Variants in SAFB2 observed in about 807,000 individuals in gnomAD.
The protein encoded by SAFB2 is scaffold attachment factor B2.
In SAFB2, 32 loss-of-function variants were observed where a neutral mutation model predicts 100.6. That is an observed-to-expected ratio of 0.32 (90% CI 0.24 to 0.43). The LOEUF is 0.43. SAFB2 is among the 20% of genes least tolerant of loss of function. SAFB2 has a pLI of 1.00. For synonymous variants in SAFB2, 500 were observed against 439.4 expected, an observed-to-expected ratio of 1.14 and a Z score of -1.72; for missense variants, 1,185 against 1,163.4, an observed-to-expected ratio of 1.02 and a Z score of -0.27.
intron 15 of SAFB2, among the ~76,000 whole-genome samples, chr19:5,593,357 CTGAT>C (rs2052457004): frequency 6.6e-6 from 1 of 152,204 alleles, no homozygotes; most frequent in African/African-American, 2.4e-5. Flanking sequence ...TATCTTCTTC[CTGAT>C]TTTTACCAGA....
In SAFB2 at chr19:5,604,918, C is replaced by A; in HGVS notation, c.1315G>T (p.Val439Leu). ...KYGKVVGAKV[V>L]TNARSPGARC... ...GCCCCCGGGCTGCGGGCGTTCGTTA[C>A]CACTTTGGCCCCGACAACCTTCATG... Residue 439 changes from valine (V) to leucine (L), a missense_variant, in exon 10 of 21, where the codon GTA becomes TTA. Val to Leu is a conservative substitution (Grantham distance 32). This residue lies in a region of SAFB2 where 94 missense variants were observed against 135.1 expected (regional missense o/e 0.70). Transcript: ENST00000252542. 1.9e-6 allele frequency: 3 copies of A among 1,613,186 alleles called. No individual in the cohort carries two copies. The highest frequency in any genetic ancestry group is 2.5e-6 in the Non-Finnish European group (3 of 1,180,000).
At chr19:5,602,762 A>G (rs993835769) in intron 11 of SAFB2, among the ~76,000 whole-genome samples, 5 of 152,178 alleles carry the variant, frequency 3.3e-5, no homozygotes, top group African/African-American at 1.2e-4. Context: ...ATACAGAAAA[A>G]CAATTAATGA....
intron 11 of SAFB2, among the ~76,000 whole-genome samples, chr19:5,602,757 G>A (rs896883731): frequency 6.6e-6 from 1 of 152,102 alleles, no homozygotes; most frequent in African/African-American, 2.4e-5. Flanking sequence ...CACAAATACA[G>A]AAAAACAATT....
Position 5,614,652 on chromosome 19 carries a change from C to G in SAFB2, c.544-1125G>C, listed in dbSNP as rs2052983661. Among the ~76,000 whole-genome samples, 3 of 152,206 alleles carry G rather than the reference C, an allele frequency of 2.0e-5. No homozygotes were observed. The South Asian group carries it at 6.2e-4, about 31-fold the overall frequency. On this transcript the variant is annotated intron_variant, in intron 4 of 20. Transcript: ENST00000252542. ...TGAAAGCTGCAATGCCTTAAGGAAA[C>G]AAAACAACCTACTGGGCACGTGACA...
At chr19:5,605,372 T>C (rs1270907837) in intron 9 of SAFB2, among the ~76,000 whole-genome samples, 1 of 152,176 alleles carries the variant, frequency 6.6e-6, no homozygotes, top group Non-Finnish European at 1.5e-5. Flanking sequence ...CCCAAAGTGC[T>C]GGGATTACAG....
chr19:5,609,552 C>T (rs973203875), intron 9 of SAFB2, among the ~76,000 whole-genome samples: 1 of 152,194 alleles, frequency 6.6e-6, no homozygotes, highest in Admixed American at 6.5e-5. Flanking sequence ...GATACGCCCG[C>T]CTCGGCCTCC....
intron 13 of SAFB2, 59 bp downstream of exon 13, chr19:5,598,734 C>T (rs182512559): frequency 3.9e-5 from 58 of 1,476,326 alleles, no homozygotes; most frequent in African/African-American, 1.7e-4. Context: ...GCGGATCAAA[C>T]GGGCCGTGGA....
intron 4 of SAFB2, 26 bp downstream of exon 4, chr19:5,616,106 T>A (rs77753561): frequency 2.5e-6 from 4 of 1,611,734 alleles, no homozygotes; most frequent in Non-Finnish European, 3.4e-6. Flanking sequence ...TATGGGCACA[T>A]CCTGCCGTGT....
At chr19:5,606,289 A>C (rs2145342060) in intron 9 of SAFB2, among the ~76,000 whole-genome samples, 1 of 152,356 alleles carries the variant, frequency 6.6e-6, no homozygotes, top group Middle Eastern at 3.4e-3. Context: ...ATACAAGTAT[A>C]ACTAGCACCC....
At chr19:5,609,464 T>G (rs1438921635) in intron 9 of SAFB2, among the ~76,000 whole-genome samples, 1 of 152,060 alleles carries the variant, frequency 6.6e-6, no homozygotes, top group African/African-American at 2.4e-5. Flanking sequence ...ACACCACGGC[T>G]GGCTGATTTT....
intron 11 of SAFB2, among the ~76,000 whole-genome samples, chr19:5,604,194 T>G (rs1359517778): frequency 1.3e-5 from 2 of 152,226 alleles, no homozygotes; most frequent in African/African-American, 2.4e-5. Flanking sequence ...GCAAATCATG[T>G]GAACTCAGGA....
chr19:5,616,619 C>T lies in SAFB2; in HGVS notation c.275-133G>A, dbSNP rs185579923. 86 of 620,564 alleles carry T rather than the reference C, an allele frequency of 1.4e-4. No individual in the cohort carries two copies. The East Asian group carries it at 2.0e-3, about 14-fold the overall frequency. 38.4% of individuals were successfully genotyped at this position (620,564 alleles called of 1,614,324 possible). On this transcript the variant is annotated intron_variant, in intron 2 of 20. Transcript: ENST00000252542. ...TATAAGTCTCCCCTCTCCTGTCACA[C>T]GTAATTTTGTCTCAATTTGTTTTCT...
intron 4 of SAFB2, among the ~76,000 whole-genome samples, chr19:5,615,239 C>T (rs2053000085): frequency 6.6e-6 from 1 of 151,710 alleles, no homozygotes; most frequent in African/African-American, 2.4e-5. Context: ...CCTCTGGTCC[C>T]AGCTCCTCAG....
intron 13 of SAFB2, chr19:5,598,526 T>C: frequency 8.2e-6 from 4 of 486,228 alleles, no homozygotes; most frequent in Non-Finnish European, 1.5e-5. Context: ...CACCCTATGG[T>C]GAGCTGCCGT....
intron 9 of SAFB2, among the ~76,000 whole-genome samples, chr19:5,606,138 G>T (rs989584708): frequency 3.8e-4 from 58 of 152,326 alleles, no homozygotes; most frequent in African/African-American, 1.4e-3. Context: ...TAATTCACGG[G>T]CCATCAGACC....
intron 7 of SAFB2, 145 bp from the exon 8 acceptor site, chr19:5,610,833 G>C: frequency 1.3e-6 from 1 of 752,574 alleles, no homozygotes; most frequent in Non-Finnish European, 2.1e-6. Context: ...AGCTTATATT[G>C]GAAAATCTGA....
At position 5,605,126 on chromosome 19, in the gene SAFB2, A is replaced by G. The variant is rs567905804; in HGVS notation, c.1297-190T>C. Reference sequence around the variant, plus strand: ...AATACAATTGCTTTTTTTTTTTTTGAGACAGTTTCGCTCTGTCACCCAGGC... The same window carrying G: ...AATACAATTGCTTTTTTTTTTTTTGGGACAGTTTCGCTCTGTCACCCAGGC... On this transcript the variant is annotated intron_variant, in intron 9 of 20. Coordinates refer to ENST00000252542, the MANE Select transcript of SAFB2 (RefSeq NM_014649.3). Among the ~76,000 whole-genome samples the G allele has an allele frequency of 8.1e-3, 1,189 of 147,390 alleles. 7 individuals carry two copies. The highest frequency in any genetic ancestry group is 0.017 in the Middle Eastern group (5 of 286).
intron 2 of SAFB2, 137 bp downstream of exon 2, chr19:5,621,172 G>C: frequency 3.0e-6 from 2 of 676,460 alleles, no homozygotes; most frequent in East Asian, 5.1e-5. Flanking sequence ...AGGTGGTGAC[G>C]AGCAAAGCTA....
intron 2 of SAFB2, among the ~76,000 whole-genome samples, chr19:5,617,704 T>C (rs1025235803): frequency 1.3e-5 from 2 of 152,134 alleles, no homozygotes; most frequent in Admixed American, 6.5e-5. Flanking sequence ...GACCCTGCAA[T>C]GCACAGGATA....
Sources: gnomAD v4.1 joint callset for allele counts (sites outside exome capture counted in the v4.1 genomes callset) on GRCh38, gnomAD v4.1.1 for gene constraint, gnomAD v4.1.1 regional missense constraint, MANE v1.5 for transcripts, NCBI Gene and HGNC (gene_info 2026-07-23, HGNC 2026-07-21) for gene names.